Variants in ARHGEF11 observed in about 807,000 individuals in gnomAD.
ARHGEF11 encodes Rho guanine exchange factor (GEF) 11.
ARHGEF11 carries 55 observed loss-of-function variants against 193.7 expected under a neutral mutation model. The observed-to-expected ratio is 0.28, with a 90% CI of 0.23 to 0.36. The LOEUF (loss-of-function observed/expected upper bound fraction) is 0.36. ARHGEF11 is among the 10% of genes least tolerant of loss of function. The probability of loss-of-function intolerance (pLI) is 1.00; values close to 1 mark genes in which losing one functional copy is unlikely to be tolerated. For missense variants in ARHGEF11, 1,723 were observed against 2,005.6 expected (o/e 0.86, Z 2.69); for synonymous variants, 693 against 768.0 (o/e 0.90, Z 1.62).
At chr1:157,011,447 A>C (rs1449790631) in intron 1 of ARHGEF11, among the ~76,000 whole-genome samples, 5 of 152,192 alleles carry the variant, frequency 3.3e-5, no homozygotes, top group Admixed American at 3.3e-4. Flanking sequence ...ATATGACACC[A>C]AAAGCATACG....
intron 19 of ARHGEF11, among the ~76,000 whole-genome samples, chr1:156,956,154 T>C (rs1164781640): frequency 6.6e-6 from 1 of 152,150 alleles, no homozygotes; most frequent in African/African-American, 2.4e-5. Flanking sequence ...TCTCACTCTG[T>C]TGCCCAGGCT....
In ARHGEF11 at chr1:156,943,573, TC is replaced by T. The variant is rs545667949; in HGVS notation, c.3235+361del. Among the ~76,000 whole-genome samples, 7 of 152,344 alleles carry T rather than the reference TC, an allele frequency of 4.6e-5. No individual in the cohort carries two copies. The East Asian group carries it at 1.4e-3, about 29-fold the overall frequency. On this transcript the variant is annotated intron_variant, in intron 32 of 40. Coordinates refer to ENST00000368194, the MANE Select transcript of ARHGEF11 (RefSeq NM_198236.3). ...GTACTAACATCTTCTGTAACCAAGC[TC>T]TGCCCAAGTCACTCTGTAGCAGAAA...
chr1:157,036,961 A>G (rs1190475106), intron 1 of ARHGEF11, among the ~76,000 whole-genome samples: 3 of 151,998 alleles, frequency 2.0e-5, no homozygotes, highest in Non-Finnish European at 4.4e-5. Context: ...CCCCGTCTCT[A>G]CTAAAAAATA....
intron 22 of ARHGEF11, chr1:156,949,218 C>T (rs952918849): frequency 1.2e-5 from 7 of 560,986 alleles, no homozygotes; most frequent in African/African-American, 6.1e-5. Context: ...CTTGGCCTGC[C>T]GTGCTTGGCT....
At chr1:157,037,105 G>T (rs973451340) in intron 1 of ARHGEF11, among the ~76,000 whole-genome samples, 1 of 152,202 alleles carries the variant, frequency 6.6e-6, no homozygotes. Context: ...TGTAGCCTGC[G>T]TAACAAGAGC....
At position 156,946,718 on chromosome 1, in the gene ARHGEF11, G is replaced by A; in HGVS notation, c.2638C>T (p.Leu880=). 1.9e-6 allele frequency: 3 copies of A among 1,614,204 alleles called. No homozygotes were observed. Among genetic ancestry groups the A allele is most frequent in the Non-Finnish European group, 2.5e-6 (3 of 1,180,042 alleles). ...AQFCSYQSIA[L]ELIKTKQRKE... ...CGTTGCTTGGTCTTGATTAGCTCTA[G>A]GGCTATTGACTGATAGGAACAGAAC... Residue 880 remains leucine, a synonymous_variant, in exon 28 of 41, where the codon CTA becomes TTA. Coordinates refer to ENST00000368194, the MANE Select transcript of ARHGEF11 (RefSeq NM_198236.3).
intron 36 of ARHGEF11, 97 bp from the exon 37 acceptor site, chr1:156,940,007 C>A: frequency 6.5e-7 from 1 of 1,542,424 alleles, no homozygotes. Context: ...GTGGTGACCT[C>A]AGGCACAGGT....
chr1:157,015,815 G>C (rs761498075), intron 1 of ARHGEF11, among the ~76,000 whole-genome samples: 1 of 152,156 alleles, frequency 6.6e-6, no homozygotes, highest in Admixed American at 6.5e-5. Flanking sequence ...TGTCTCCCAG[G>C]GGGAGCCAGA....
chr1:157,009,880 A>T (rs1194076190), intron 1 of ARHGEF11, among the ~76,000 whole-genome samples: 2 of 152,228 alleles, frequency 1.3e-5, no homozygotes, highest in Non-Finnish European at 2.9e-5. Context: ...GCATCAGCTG[A>T]ATCTCAATCT....
In ARHGEF11 at chr1:156,961,694, A is replaced by G; in HGVS notation, c.1222T>C (p.Phe408Leu). 1 of 1,614,174 alleles carries G rather than the reference A, an allele frequency of 6.2e-7. No individual in the cohort carries two copies. The highest frequency in any genetic ancestry group is 8.5e-7 in the Non-Finnish European group (1 of 1,180,004). Residue 408 changes from phenylalanine (F) to leucine (L), a missense_variant, in exon 14 of 41, where the codon TTC becomes CTC. Phe to Leu is a conservative substitution (Grantham distance 22). Coordinates refer to ENST00000368194, the MANE Select transcript of ARHGEF11 (RefSeq NM_198236.3). ...TGCCTTACCGCATTTTTCTCCAGGAAAATATTCCAGATGTCTTTCCCCAAG... is the reference window on the plus strand; with the variant it reads ...TGCCTTACCGCATTTTTCTCCAGGAGAATATTCCAGATGTCTTTCCCCAAG... The part of the protein sequence containing the change: ...RSLGKDIWNI[F>L]LEKNAPLRVK...
chr1:156,980,517 C>CA (rs772805636), intron 3 of ARHGEF11, 31 bp from the exon 4 acceptor site: 1 of 1,573,606 alleles, frequency 6.4e-7, no homozygotes, highest in Non-Finnish European at 8.6e-7. Flanking sequence ...CAGCAGTGCC[C>CA]AACAACCTCT....
chr1:156,963,493 G>GA, intron 12 of ARHGEF11, 27 bp downstream of exon 12: 1 of 1,606,244 alleles, frequency 6.2e-7, no homozygotes, highest in Non-Finnish European at 8.5e-7. Flanking sequence ...AAAAAATGAT[G>GA]AAAGGAGAAA....
At chr1:157,027,398 G>A (rs775898920) in intron 1 of ARHGEF11, among the ~76,000 whole-genome samples, 1 of 152,074 alleles carries the variant, frequency 6.6e-6, no homozygotes, top group Non-Finnish European at 1.5e-5. Flanking sequence ...AAAAAAAAGA[G>A]TGCTGTCTGG....
chr1:156,985,021 T>C (rs1418998477), intron 2 of ARHGEF11, among the ~76,000 whole-genome samples: 4 of 151,664 alleles, frequency 2.6e-5, no homozygotes, highest in African/African-American at 9.7e-5. Flanking sequence ...TTGTCATGTA[T>C]CCTTTAAAAA....
rs1435506047 is a variant in ARHGEF11 at position 156,944,114 on chromosome 1, T to C, written c.3068-12A>G. ...CAGCACGTGGAGGTCTGGAGGGGTA[T>C]GGTCATGGGAAGGTGTTCCCTGGTG... On this transcript the variant is annotated splice_polypyrimidine_tract_variant and intron_variant, in intron 31 of 40. Coordinates refer to ENST00000368194, the MANE Select transcript of ARHGEF11 (RefSeq NM_198236.3). 9 of 1,612,028 alleles carry C rather than the reference T, an allele frequency of 5.6e-6. No individual in the cohort carries two copies. In the South Asian group the frequency reaches 8.8e-5, roughly 16 times the overall value.
chr1:157,009,998 T>C (rs985904731), intron 1 of ARHGEF11, among the ~76,000 whole-genome samples: 2 of 152,078 alleles, frequency 1.3e-5, no homozygotes, highest in African/African-American at 4.8e-5. Context: ...GCTAACATCA[T>C]ACTCAACAGG....
Position 156,939,524 on chromosome 1 carries a change from ACTGGACACTCC to A in ARHGEF11, c.4096+13_4096+23del. On this transcript the variant is annotated intron_variant, in intron 37 of 40. Transcript: ENST00000368194. ...ACCTAGCAAGGGTGCTTGTCTCCCCACTGGACACTCCCATTTATTTTACCTTTTCTCACAAC... is the reference window on the plus strand; with the variant it reads ...ACCTAGCAAGGGTGCTTGTCTCCCCACATTTATTTTACCTTTTCTCACAAC... 4 of 1,606,392 alleles carry A rather than the reference ACTGGACACTCC, an allele frequency of 2.5e-6. No homozygotes were observed. The highest frequency in any genetic ancestry group is 3.4e-6 in the Non-Finnish European group (4 of 1,179,954).
upstream of ARHGEF11, among the ~76,000 whole-genome samples, chr1:157,045,877 C>T (rs566198637): frequency 1.7e-3 from 254 of 151,174 alleles, 1 homozygote; most frequent in African/African-American, 5.9e-3. Flanking sequence ...CCCTCGCTCC[C>T]GCGGGGCGGG....
At chr1:157,033,081 C>A (rs1671490685) in intron 1 of ARHGEF11, among the ~76,000 whole-genome samples, 1 of 152,124 alleles carries the variant, frequency 6.6e-6, no homozygotes, top group Non-Finnish European at 1.5e-5. Flanking sequence ...GTGTTGATGA[C>A]CTGCTAATGT....
Sources: gnomAD v4.1 joint callset for allele counts (sites outside exome capture counted in the v4.1 genomes callset) on GRCh38, gnomAD v4.1.1 for gene constraint, MANE v1.5 for transcripts, NCBI Gene and HGNC (gene_info 2026-07-23, HGNC 2026-07-21) for gene names.